TBC1D16: variants seen among roughly 807,000 people sequenced by gnomAD.
The protein encoded by TBC1D16 is TBC1 domain family member 16.
In TBC1D16, 58 loss-of-function variants were observed where a neutral mutation model predicts 74.7. The ratio of observed to expected loss-of-function variants is 0.78; its 90% CI spans 0.63 to 0.97. TBC1D16 has a LOEUF of 0.97. TBC1D16 is among the 50% of genes least tolerant of loss of function. The pLI is 0.00. For synonymous variants in TBC1D16, 493 were observed against 474.7 expected, an observed-to-expected ratio of 1.04 and a Z score of -0.50; for missense variants, 1,014 against 1,079.5, an observed-to-expected ratio of 0.94 and a Z score of 0.85.
chr17:79,953,761 T>C (rs1213036286), intron 3 of TBC1D16, among the ~76,000 whole-genome samples: 1 of 152,170 alleles, frequency 6.6e-6, no homozygotes, highest in Non-Finnish European at 1.5e-5. Flanking sequence ...TTTTTCTTTT[T>C]TTCTTTTTTC....
At position 79,934,085 on chromosome 17, in the gene TBC1D16, A is replaced by G. The variant is rs756680052; in HGVS notation, c.*6774T>C. 6 of 152,152 alleles carry G rather than the reference A, an allele frequency of 3.9e-5. No individual in the cohort carries two copies. Among genetic ancestry groups the G allele is most frequent in the Non-Finnish European group, 8.8e-5 (6 of 68,048 alleles). 9.4% of individuals were successfully genotyped at this position (152,152 alleles called of 1,614,324 possible). On this transcript the variant is annotated 3_prime_UTR_variant, in exon 12 of 12. Coordinates refer to ENST00000310924, the MANE Select transcript of TBC1D16 (RefSeq NM_019020.4). ...CCCTGAGGGCTGCGGGACAACAGAG[A>G]GCCGGGCCTGCCCGAGGCACGGCCC...
rs547804855 is a variant in TBC1D16, at chr17:80,008,379, A to G, written c.779+1781T>C. Among the ~76,000 whole-genome samples the G allele has an allele frequency of 6.6e-6, 1 of 152,082 alleles. No homozygotes were observed. The highest frequency in any genetic ancestry group is 1.5e-5 in the Non-Finnish European group (1 of 68,000). On this transcript the variant is annotated intron_variant, in intron 3 of 11. Coordinates refer to ENST00000310924, the MANE Select transcript of TBC1D16 (RefSeq NM_019020.4). This position sits in a 1 kb window ranked among gnomAD's most constrained non-coding sequence, Gnocchi z 4.5. The stretch of plus-strand genomic sequence containing the variant: ...CCTAACTCCTAAACTTGAGCTCCCT[A>G]CGAGATGGGGCTGCGGGACAGAGAG...
Position 79,934,293 on chromosome 17 carries a change from G to C in TBC1D16, c.*6566C>G, listed in dbSNP as rs771149782. The C allele has an allele frequency of 3.3e-5, 5 of 152,560 alleles. No homozygotes were observed. The highest frequency in any genetic ancestry group is 7.3e-5 in the Non-Finnish European group (5 of 68,308). 9.5% of individuals were successfully genotyped at this position (152,560 alleles called of 1,614,324 possible). ...TGGAAGGGACCTTCTTGGCAGGACA[G>C]GTCCAGTTGGTGGCCTGAGGTGGGG... On this transcript the variant is annotated 3_prime_UTR_variant, in exon 12 of 12. Transcript: ENST00000310924.
intron 3 of TBC1D16, among the ~76,000 whole-genome samples, chr17:80,006,200 C>T (rs930330571): frequency 6.6e-6 from 1 of 150,850 alleles, no homozygotes; most frequent in Non-Finnish European, 1.5e-5. Flanking sequence ...CTCTCTCTCG[C>T]TCTCTCGCTC....
rs1445957102 is a variant in TBC1D16, at chr17:79,941,562, G to GA, written c.2056-456dup. Reference sequence around the variant, plus strand: ...TGCCAGAGGACACCACCGACCTCGGGACCCCCGCTCAGTGCCCTGAGGACC... The same window carrying GA: ...TGCCAGAGGACACCACCGACCTCGGGAACCCCCGCTCAGTGCCCTGAGGACC... On this transcript the variant is annotated intron_variant, in intron 11 of 11. Transcript: ENST00000310924. The surrounding 1 kb of genome is among the most constrained non-coding windows in gnomAD (Gnocchi z 4.3). Among the ~76,000 whole-genome samples the GA allele has an allele frequency of 1.3e-5, 2 of 152,122 alleles. No homozygotes were observed. Among genetic ancestry groups the GA allele is most frequent in the Non-Finnish European group, 2.9e-5 (2 of 68,004 alleles).
Position 79,949,009 on chromosome 17 carries a change from G to A in TBC1D16, c.1407-3C>T. 6.2e-7 allele frequency: 1 copy of A among 1,614,028 alleles called. No homozygotes were observed. Among genetic ancestry groups the A allele is most frequent in the Non-Finnish European group, 8.5e-7 (1 of 1,179,970 alleles). ...GCTCCTCGGGAGTCATGGAGAGCCT[G>A]TGTGGAGCCGAGCACCCAGCCGGGG... On this transcript the variant is annotated splice_polypyrimidine_tract_variant and splice_region_variant and intron_variant, in intron 7 of 11. Transcript: ENST00000310924.
intron 3 of TBC1D16, among the ~76,000 whole-genome samples, chr17:79,978,097 TCA>T (rs2034412897): frequency 8.5e-5 from 13 of 152,076 alleles, no homozygotes; most frequent in Admixed American, 8.5e-4. Flanking sequence ...TGCCCCATGG[TCA>T]CGGTCGAGCT....
chr17:79,943,429 A>T (rs1460219935), intron 10 of TBC1D16, among the ~76,000 whole-genome samples: 1 of 152,188 alleles, frequency 6.6e-6, no homozygotes, highest in African/African-American at 2.4e-5. Context: ...AGGGCCGTCC[A>T]GCCCCACCAC....
intron 1 of TBC1D16, among the ~76,000 whole-genome samples, chr17:80,022,502 A>G (rs2036320002): frequency 6.7e-6 from 1 of 148,734 alleles, no homozygotes; most frequent in Admixed American, 6.6e-5. Context: ...ACGCCTGGCT[A>G]ATTTTTGTAT....
chr17:80,033,541 T>A (rs187507600), intron 1 of TBC1D16, among the ~76,000 whole-genome samples: 56 of 152,232 alleles, frequency 3.7e-4, no homozygotes, highest in Middle Eastern at 3.4e-3. Context: ...TCCAGCTAAT[T>A]TGTTCATTTT....
In TBC1D16 at chr17:79,950,700, C is replaced by T; in HGVS notation, c.1090-122G>A. 1.3e-6 allele frequency: 2 copies of T among 1,535,468 alleles called. No individual in the cohort carries two copies. The highest frequency in any genetic ancestry group is 2.4e-5 in the South Asian group (2 of 84,134). ...CTGAAAGGAGGGCAAGGGCCGTCCC[C>T]TGCATACAAACCCCTAAATGGCGAG... On this transcript the variant is annotated intron_variant, in intron 5 of 11. Coordinates refer to ENST00000310924, the MANE Select transcript of TBC1D16 (RefSeq NM_019020.4). The surrounding 1 kb of genome is among the most constrained non-coding windows in gnomAD (Gnocchi z 4.6).
At chr17:80,027,891 C>CAAAAA (rs71163908) in intron 1 of TBC1D16, among the ~76,000 whole-genome samples, 55 of 66,740 alleles carry the variant, frequency 8.2e-4, no homozygotes, top group Middle Eastern at 9.1e-3. Flanking sequence ...GACTCCAACT[C>CAAAAA]AAAAAAAAAA....
intron 3 of TBC1D16, among the ~76,000 whole-genome samples, chr17:80,006,023 C>CG (rs564123410): frequency 7.9e-5 from 12 of 152,054 alleles, no homozygotes; most frequent in South Asian, 4.2e-4. Flanking sequence ...CTCTGCCCTC[C>CG]GGGGGGACTC....
intron 1 of TBC1D16, among the ~76,000 whole-genome samples, chr17:80,018,830 G>A (rs1418353032): frequency 7.4e-5 from 11 of 149,212 alleles, no homozygotes; most frequent in Admixed American, 7.2e-4. Flanking sequence ...TGAACTTCTG[G>A]CCTCAAGTGA....
chr17:80,024,645 C>CAT (rs2036476957), intron 1 of TBC1D16, among the ~76,000 whole-genome samples: 4 of 139,546 alleles, frequency 2.9e-5, no homozygotes, highest in Admixed American at 2.3e-4. Context: ...ACCACACACA[C>CAT]CATAGACATA....
chr17:79,956,214 C>G lies in TBC1D16; in HGVS notation c.780-3396G>C, dbSNP rs1048138129. ...AGCGCAACAGCCTGTCCCAGCCCAG[C>G]CCAAACCAAAGGTCTGTGAGCAAAG... On this transcript the variant is annotated intron_variant, in intron 3 of 11. Transcript: ENST00000310924. This position sits in a 1 kb window ranked among gnomAD's most constrained non-coding sequence, Gnocchi z 4.0. Among the ~76,000 whole-genome samples the G allele has an allele frequency of 2.3e-4, 35 of 152,348 alleles. No individual in the cohort carries two copies. The highest frequency in any genetic ancestry group is 8.4e-4 in the African/African-American group (35 of 41,586).
In TBC1D16 at chr17:79,939,496, A is replaced by G. The variant is rs927291674; in HGVS notation, c.*1363T>C. ...GAAGAAGCCTTCTATCCTGGTCCCC[A>G]TGATGGTTCTCAGCACATCAAGGGT... On this transcript the variant is annotated 3_prime_UTR_variant, in exon 12 of 12. Coordinates refer to ENST00000310924, the MANE Select transcript of TBC1D16 (RefSeq NM_019020.4). The G allele has an allele frequency of 6.6e-6, 1 of 152,200 alleles. No individual in the cohort carries two copies. Among genetic ancestry groups the G allele is most frequent in the Non-Finnish European group, 1.5e-5 (1 of 68,046 alleles). 9.4% of individuals were successfully genotyped at this position (152,200 alleles called of 1,614,324 possible).
At chr17:80,023,353 C>T (rs914631016) in intron 1 of TBC1D16, among the ~76,000 whole-genome samples, 2 of 149,820 alleles carry the variant, frequency 1.3e-5, no homozygotes, top group Non-Finnish European at 2.9e-5. Flanking sequence ...TCGGAGGCTA[C>T]CATGGGACAG....
At position 79,952,689 on chromosome 17, in the gene TBC1D16, C is replaced by T. The variant is rs1490257848; in HGVS notation, c.909G>A (p.Leu303=). Residue 303 remains leucine (L), a synonymous_variant, in exon 4 of 12, where the codon CTG becomes CTA. Transcript: ENST00000310924. The part of the protein sequence containing the change: ...EQICGVFRVD[L]GHMRSLRLFF... ...AAAGGCGGAGGGAGCGCATGTGGCC[C>T]AGGTCCACGCGGAACACGCCGCAAA... 1.2e-6 allele frequency: 2 copies of T among 1,606,544 alleles called. No homozygotes were observed. Among genetic ancestry groups the T allele is most frequent in the South Asian group, 1.1e-5 (1 of 90,772 alleles).
Sources: allele counts gnomAD v4.1 joint callset (sites outside exome capture counted in the v4.1 genomes callset), GRCh38; gene constraint gnomAD v4.1.1; non-coding constraint Gnocchi (gnomAD v3.1); transcripts MANE v1.5; gene names NCBI Gene and HGNC (gene_info 2026-07-23, HGNC 2026-07-21).